The following PXDNL variants were observed in gnomAD, a reference collection of about 807,000 sequenced individuals.
The protein encoded by PXDNL is peroxidasin like, also known as probable oxidoreductase PXDNL.
In PXDNL, 145 loss-of-function variants were observed where a neutral mutation model predicts 150.8. The ratio of observed to expected loss-of-function variants is 0.96; its 90% CI spans 0.84 to 1.10. The LOEUF (loss-of-function observed/expected upper bound fraction) is 1.10. PXDNL is among the 50% of genes least tolerant of loss of function. The probability of loss-of-function intolerance (pLI) is 0.00; values close to 1 mark genes in which losing one functional copy is unlikely to be tolerated. For missense variants in PXDNL, 2,087 were observed against 1,873.9 expected (o/e 1.11, Z -2.10); for synonymous variants, 757 against 725.7 (o/e 1.04, Z -0.69).
intron 14 of PXDNL, among the ~76,000 whole-genome samples, chr8:51,423,013 C>T (rs1808996837): frequency 6.6e-6 from 1 of 152,174 alleles, no homozygotes; most frequent in Non-Finnish European, 1.5e-5. Flanking sequence ...GTATTTTAAA[C>T]AGTCATTATA....
chr8:51,590,519 T>A (rs1028863723), intron 3 of PXDNL, among the ~76,000 whole-genome samples: 2 of 152,220 alleles, frequency 1.3e-5, no homozygotes, highest in African/African-American at 4.8e-5. Context: ...CCTGAGGCTT[T>A]GGAGACCCAA....
At chr8:51,432,178 T>C (rs904872287) in intron 12 of PXDNL, among the ~76,000 whole-genome samples, 1 of 152,178 alleles carries the variant, frequency 6.6e-6, no homozygotes, top group Admixed American at 6.5e-5. Context: ...AAGATGTAAT[T>C]TCACCTTCTC....
chr8:51,600,633 TTATA>T (rs1476252740), intron 2 of PXDNL, among the ~76,000 whole-genome samples: 2 of 137,158 alleles, frequency 1.5e-5, no homozygotes, highest in Non-Finnish European at 1.5e-5. Flanking sequence ...CTTATATAAA[TTATA>T]TAGTTAGATA....
intron 8 of PXDNL, among the ~76,000 whole-genome samples, chr8:51,468,703 T>C (rs1563425278): frequency 6.6e-6 from 1 of 151,968 alleles, no homozygotes; most frequent in Non-Finnish European, 1.5e-5. Flanking sequence ...CCACTTTTTT[T>C]CTCCTCCTAG....
In PXDNL at chr8:51,514,901, T is replaced by C. The variant is rs540352689; in HGVS notation, c.381-15131A>G. The stretch of plus-strand genomic sequence containing the variant: ...TTTCATCCCCACAATCGTTGCTCTG[T>C]GCAAAATTCCCATTTCATAACATAC... On this transcript the variant is annotated intron_variant, in intron 4 of 22. Coordinates refer to ENST00000356297, the MANE Select transcript of PXDNL (RefSeq NM_144651.5). Among the ~76,000 whole-genome samples, 3 of 152,342 alleles carry C rather than the reference T, an allele frequency of 2.0e-5. No individual in the cohort carries two copies. The East Asian group carries it at 5.8e-4, about 29-fold the overall frequency.
intron 5 of PXDNL, among the ~76,000 whole-genome samples, chr8:51,486,338 AT>A (rs1248065926): frequency 2.0e-5 from 3 of 152,140 alleles, no homozygotes; most frequent in Non-Finnish European, 4.4e-5. Flanking sequence ...CAAATTAATG[AT>A]ATTTTACATC....
chr8:51,680,740 G>A (rs532892256), intron 1 of PXDNL, among the ~76,000 whole-genome samples: 6 of 152,284 alleles, frequency 3.9e-5, no homozygotes, highest in East Asian at 3.9e-4. Flanking sequence ...CTGCTCGCTC[G>A]CTGTGTGATC....
intron 14 of PXDNL, among the ~76,000 whole-genome samples, chr8:51,415,700 A>C (rs1414926373): frequency 1.3e-5 from 2 of 152,234 alleles, no homozygotes; most frequent in Non-Finnish European, 2.9e-5. Flanking sequence ...ACATGGATGG[A>C]CACTTAAAAG....
intron 1 of PXDNL, among the ~76,000 whole-genome samples, chr8:51,790,263 C>T (rs1249687646): frequency 6.6e-6 from 1 of 150,586 alleles, no homozygotes; most frequent in Non-Finnish European, 1.5e-5. Flanking sequence ...AAATATCATT[C>T]AAAAGGAAGA....
chr8:51,449,592 GAA>G (rs1224824991), intron 10 of PXDNL, among the ~76,000 whole-genome samples: 1 of 152,100 alleles, frequency 6.6e-6, no homozygotes, highest in Non-Finnish European at 1.5e-5. Context: ...TTATACTTTT[GAA>G]AAAGTCATAT....
intron 1 of PXDNL, among the ~76,000 whole-genome samples, chr8:51,800,902 G>A (rs2037611951): frequency 6.6e-6 from 1 of 152,136 alleles, no homozygotes; most frequent in Non-Finnish European, 1.5e-5. Flanking sequence ...AAATCTGATT[G>A]TAAAACACGG....
intron 2 of PXDNL, among the ~76,000 whole-genome samples, chr8:51,628,884 C>G (rs1322869533): frequency 6.7e-6 from 1 of 150,316 alleles, no homozygotes; most frequent in Non-Finnish European, 1.5e-5. Flanking sequence ...CCATAGCAAA[C>G]AAAAACAAAT....
chr8:51,716,137 T>A (rs1002094155), intron 1 of PXDNL, among the ~76,000 whole-genome samples: 1 of 152,172 alleles, frequency 6.6e-6, no homozygotes, highest in Non-Finnish European at 1.5e-5. Context: ...AGAGATTCAG[T>A]CATTCGTCAA....
intron 1 of PXDNL, among the ~76,000 whole-genome samples, chr8:51,794,222 C>A (rs2129258160): frequency 6.6e-6 from 1 of 152,202 alleles, no homozygotes; most frequent in South Asian, 2.1e-4. Context: ...GAGAATAGAA[C>A]CAAGTTGGAA....
chr8:51,440,832 A>G (rs1171267340), intron 12 of PXDNL, among the ~76,000 whole-genome samples: 4 of 152,082 alleles, frequency 2.6e-5, no homozygotes, highest in South Asian at 2.1e-4. Flanking sequence ...CAGGGAGAAG[A>G]GTGAGATGTG....
intron 12 of PXDNL, among the ~76,000 whole-genome samples, chr8:51,442,028 C>T (rs1809563657): frequency 6.6e-6 from 1 of 152,056 alleles, no homozygotes; most frequent in African/African-American, 2.4e-5. Context: ...CTTTTCTTCT[C>T]CTTTTTTCTG....
intron 20 of PXDNL, among the ~76,000 whole-genome samples, chr8:51,344,267 G>A (rs1040861689): frequency 6.6e-6 from 1 of 150,848 alleles, no homozygotes; most frequent in Non-Finnish European, 1.5e-5. Context: ...ACCATGCCCA[G>A]CTAATTTTTT....
At chr8:51,408,021 C>CAGCTGCAGCGTGTGCTCAAAAAT in intron 17 of PXDNL, 46 bp downstream of exon 17, 1 of 1,505,880 alleles carries the variant, frequency 6.6e-7, no homozygotes, top group South Asian at 1.3e-5. Flanking sequence ...AACACTTTTA[C>CAGCTGCAGCGTGTGCTCAAAAAT]CTCTCCTAAG....
intron 8 of PXDNL, among the ~76,000 whole-genome samples, chr8:51,467,008 G>A (rs748550609): frequency 6.6e-6 from 1 of 152,088 alleles, no homozygotes; most frequent in Non-Finnish European, 1.5e-5. Context: ...AGTAAAAGTT[G>A]AGCTACCATC....
Sources: allele counts gnomAD v4.1 joint callset (sites outside exome capture counted in the v4.1 genomes callset), GRCh38; gene constraint gnomAD v4.1.1; transcripts MANE v1.5; gene names NCBI Gene and HGNC (gene_info 2026-07-23, HGNC 2026-07-21).